Variants in ATP8B1 observed in about 807,000 individuals in gnomAD.
ATP8B1 encodes the protein phospholipid-transporting ATPase IC.
In ATP8B1, 80 loss-of-function variants were observed where a neutral mutation model predicts 149.9. That is an observed-to-expected ratio of 0.53 (90% CI 0.45 to 0.64). The LOEUF is 0.64. Ranked by LOEUF, ATP8B1 falls within the 30% of genes least tolerant of loss-of-function variation. The probability of loss-of-function intolerance (pLI) is 0.00; values close to 1 mark genes in which losing one functional copy is unlikely to be tolerated. For synonymous variants in ATP8B1, 536 were observed against 562.8 expected, an observed-to-expected ratio of 0.95 and a Z score of 0.67; for missense variants, 1,247 against 1,552.6, an observed-to-expected ratio of 0.80 and a Z score of 3.31.
chr18:57,709,192 G>C (rs1168522249), intron 2 of ATP8B1, among the ~76,000 whole-genome samples: 1 of 152,148 alleles, frequency 6.6e-6, no homozygotes, highest in Non-Finnish European at 1.5e-5. Context: ...TCATCTATGA[G>C]TTTAGGCTAA....
intron 2 of ATP8B1, among the ~76,000 whole-genome samples, chr18:57,729,007 G>A (rs448119): frequency 0.98 from 149,662 of 152,186 alleles, 73,639 homozygotes; most frequent in East Asian, 1. Context: ...GGCATGAGTC[G>A]CCGCACCCGG....
chr18:57,764,323 T>TTCTC (rs1246364056), intron 1 of ATP8B1, among the ~76,000 whole-genome samples: 1 of 90,622 alleles, frequency 1.1e-5, no homozygotes, highest in East Asian at 3.1e-4. Flanking sequence ...CTTTCTTTCT[T>TTCTC]TTTCTTTCTT....
chr18:57,680,471 G>A (rs1201359444), intron 15 of ATP8B1, among the ~76,000 whole-genome samples: 1 of 150,768 alleles, frequency 6.6e-6, no homozygotes, highest in East Asian at 2.0e-4. Flanking sequence ...TGTAATCCCA[G>A]CTACTCGGAG....
At chr18:57,671,692 G>T (rs1203539484) in intron 16 of ATP8B1, 112 bp from the exon 17 acceptor site, 4 of 757,090 alleles carry the variant, frequency 5.3e-6, no homozygotes, top group Non-Finnish European at 9.2e-6. Flanking sequence ...GTTCAGTATC[G>T]GCTCACTGTA....
At chr18:57,701,532 G>A (rs924155297) in intron 4 of ATP8B1, among the ~76,000 whole-genome samples, 1 of 152,158 alleles carries the variant, frequency 6.6e-6, no homozygotes, top group Admixed American at 6.5e-5. Context: ...AGCCTAGAGG[G>A]CAGTGGCTCC....
At chr18:57,754,866 G>A (rs1568055508) in intron 1 of ATP8B1, among the ~76,000 whole-genome samples, 1 of 152,190 alleles carries the variant, frequency 6.6e-6, no homozygotes, top group Non-Finnish European at 1.5e-5. Context: ...TCAGAGCAAA[G>A]CAGCCTGGGG....
rs1911504084 is a variant in ATP8B1 at position 57,674,953 on chromosome 18, A to G, written c.1700T>C (p.Phe567Ser). 1.2e-6 allele frequency: 2 copies of G among 1,614,126 alleles called. No homozygotes were observed. The highest frequency in any genetic ancestry group is 2.2e-5 in the East Asian group (1 of 44,894). The change falls in exon 16 of 28, where the codon TTT (phenylalanine) becomes TCT (serine). Residue 567 changes from phenylalanine to serine, a missense_variant. Phe to Ser is a radical substitution (Grantham distance 155, BLOSUM62 -2). Transcript: ENST00000648908. The stretch of plus-strand genomic sequence containing the variant: ...GTTCTGGGTCCTGGCGAGGAAGGCA[A>G]AGCCAAAGTTCCTGGCAGCGTTTAC... ...ALVNAARNFG[F>S]AFLARTQNTI...
intron 24 of ATP8B1, 26 bp downstream of exon 24, chr18:57,653,966 T>C: frequency 6.3e-7 from 1 of 1,584,272 alleles, no homozygotes; most frequent in Non-Finnish European, 8.7e-7. Context: ...TGTCCAGAAG[T>C]GTCCCTGCTT....
In ATP8B1 at chr18:57,680,277, C is replaced by CAAAAAAAAAA. The variant is rs71171066; in HGVS notation, c.1630+3749_1630+3758dup. On this transcript the variant is annotated intron_variant, in intron 15 of 27. Transcript: ENST00000648908. ...GGGCAACAGGAGCGAGACTCAGTCTCAAAAAAAAAAAAAAAAAAAAAAAAA... is the reference window on the plus strand; with the variant it reads ...GGGCAACAGGAGCGAGACTCAGTCTCAAAAAAAAAAAAAAAAAAAAAAAAAAAAAAAAAAA... 1.3e-3 allele frequency among the ~76,000 whole-genome samples: 51 copies of CAAAAAAAAAA among 40,448 alleles called. 3 individuals are homozygous for CAAAAAAAAAA. Among genetic ancestry groups the CAAAAAAAAAA allele is most frequent in the East Asian group, 7.9e-3 (6 of 758 alleles). The allele number at this position is 40,448 out of a possible 152,430, so 26.5% of individuals were successfully genotyped here. A position where few individuals can be genotyped will look rare whatever the true frequency, so the allele number is the denominator to read the frequency against.
intron 25 of ATP8B1, 67 bp downstream of exon 25, chr18:57,652,417 C>T (rs1020476911): frequency 1.9e-6 from 3 of 1,604,554 alleles, no homozygotes; most frequent in East Asian, 2.2e-5. Context: ...ATGTGCATGC[C>T]ACCCTATATA....
chr18:57,706,248 A>G (rs1280915031), intron 3 of ATP8B1, among the ~76,000 whole-genome samples: 1 of 152,222 alleles, frequency 6.6e-6, no homozygotes, highest in Admixed American at 6.5e-5. Flanking sequence ...AAGAGAGCTT[A>G]AAATTTAAAA....
At position 57,648,496 on chromosome 18, in the gene ATP8B1, C is replaced by A; in HGVS notation, c.3748G>T (p.Asp1250Tyr). The A allele has an allele frequency of 6.2e-7, 1 of 1,611,238 alleles. No homozygotes were observed. Among genetic ancestry groups the A allele is most frequent in the East Asian group, 2.2e-5 (1 of 44,876 alleles). Residue 1250 changes from aspartate (D) to tyrosine (Y), a missense_variant, in exon 28 of 28, where the codon GAC (aspartate) becomes TAC (tyrosine). This residue lies in a region of ATP8B1 where 164 missense variants were observed against 160.3 expected (regional missense o/e 1.02). Coordinates refer to ENST00000648908, the MANE Select transcript of ATP8B1 (RefSeq NM_001374385.1). Reference sequence around the variant, plus strand: ...AGCCTGGGGGTAAGGGATCAGCTGTCCCCGGTGCGCCTGTACTCCGCGGTG... The same window carrying A: ...AGCCTGGGGGTAAGGGATCAGCTGTACCCGGTGCGCCTGTACTCCGCGGTG... ...DGTAEYRRTG[D>Y]S
rs117786062 is a variant in ATP8B1, at chr18:57,655,780, C to T, written c.2708-363G>A. Among the ~76,000 whole-genome samples, 83 of 152,352 alleles carry T rather than the reference C, an allele frequency of 5.4e-4. 2 individuals carry two copies. The East Asian group carries it at 0.016, about 29-fold the overall frequency. On this transcript the variant is annotated intron_variant, in intron 22 of 27. Coordinates refer to ENST00000648908, the MANE Select transcript of ATP8B1 (RefSeq NM_001374385.1). ...CTTGCCTCTTTGGCAACAGCTGTGT[C>T]AGTCATGGGCAGATATGTAATTTGT...
Position 57,648,694 on chromosome 18 carries a change from G to T in ATP8B1, c.3550C>A (p.Arg1184=). 7.7e-6 allele frequency: 12 copies of T among 1,556,072 alleles called. No homozygotes were observed. The highest frequency in any genetic ancestry group is 1.0e-5 in the Non-Finnish European group (12 of 1,150,432). The change falls in exon 28 of 28, where the codon CGG becomes AGG. Residue 1184 remains arginine (R), a synonymous_variant. Coordinates refer to ENST00000648908, the MANE Select transcript of ATP8B1 (RefSeq NM_001374385.1). ...ESDKIQKHRK[R]LKAEEQWQRR... is the part of the protein sequence containing the mutation. The stretch of plus-strand genomic sequence containing the variant: ...TGCCACTGCTCCTCCGCCTTCAACC[G>T]CTTGCGATGCTTCTGGATCTGCAAG...
chr18:57,797,984 A>T (rs2080533240), intron 1 of ATP8B1, among the ~76,000 whole-genome samples: 1 of 152,118 alleles, frequency 6.6e-6, no homozygotes, highest in Non-Finnish European at 1.5e-5. Flanking sequence ...GATTACAGGC[A>T]TGAGCCACCA....
chr18:57,706,764 G>A (rs1913417903), intron 2 of ATP8B1, among the ~76,000 whole-genome samples, 177 bp from the exon 3 acceptor site: 1 of 152,178 alleles, frequency 6.6e-6, no homozygotes, highest in Non-Finnish European at 1.5e-5. Flanking sequence ...TCATTAGAGA[G>A]GACCCTAATT....
intron 1 of ATP8B1, among the ~76,000 whole-genome samples, chr18:57,748,565 C>G (rs1247347672): frequency 6.6e-6 from 1 of 152,190 alleles, no homozygotes; most frequent in Non-Finnish European, 1.5e-5. Context: ...GAATGTGTAG[C>G]TTTAACATCG....
intron 12 of ATP8B1, among the ~76,000 whole-genome samples, chr18:57,690,403 A>G (rs951328641): frequency 1.1e-4 from 16 of 152,370 alleles, no homozygotes; most frequent in African/African-American, 3.6e-4. Flanking sequence ...CAGAGATACT[A>G]TCTGGAAGAA....
chr18:57,659,137 A>G (rs780008610), intron 22 of ATP8B1, among the ~76,000 whole-genome samples: 3 of 152,006 alleles, frequency 2.0e-5, no homozygotes, highest in African/African-American at 7.2e-5. Context: ...TTAGCTGGGC[A>G]TGGTGGCTCA....
Sources: allele counts gnomAD v4.1 joint callset (sites outside exome capture counted in the v4.1 genomes callset), GRCh38; gene constraint gnomAD v4.1.1; regional missense constraint gnomAD v4.1.1; transcripts MANE v1.5; gene names NCBI Gene and HGNC (gene_info 2026-07-23, HGNC 2026-07-21).